The following TMEM232 variants were observed in gnomAD, a reference collection of about 807,000 sequenced individuals.
TMEM232 encodes the protein transmembrane protein 232.
In TMEM232, 80 loss-of-function variants were observed where a neutral mutation model predicts 78.8. The ratio of observed to expected loss-of-function variants is 1.01; its 90% confidence interval spans 0.85 to 1.22. TMEM232 has a LOEUF of 1.22. Among genes scored for constraint, TMEM232 ranks in the 50% most tolerant of loss-of-function variants. The pLI, the probability that TMEM232 is intolerant of heterozygous loss-of-function variation, is 0.00. For synonymous variants in TMEM232, 297 were observed against 254.3 expected, an observed-to-expected ratio of 1.17 and a Z score of -1.60; for missense variants, 881 against 742.2, an observed-to-expected ratio of 1.19 and a Z score of -2.17.
intron 10 of TMEM232, among the ~76,000 whole-genome samples, chr5:110,571,687 G>A (rs557336186): frequency 6.8e-6 from 1 of 147,322 alleles, no homozygotes; most frequent in Non-Finnish European, 1.5e-5. Context: ...TGTTTGTTTT[G>A]TTTTTTTGTT....
At chr5:110,391,186 TAA>T (rs1755166303) in intron 3 of TMEM232, among the ~76,000 whole-genome samples, 2 of 152,122 alleles carry the variant, frequency 1.3e-5, no homozygotes, top group African/African-American at 2.4e-5. Flanking sequence ...CTGAGGCTAA[TAA>T]GCATGGCATA....
At chr5:110,687,530 A>AC (rs1189735881) in intron 1 of TMEM232, among the ~76,000 whole-genome samples, 1 of 152,100 alleles carries the variant, frequency 6.6e-6, no homozygotes, top group Non-Finnish European at 1.5e-5. Context: ...CTGTAATACA[A>AC]CCTTATTGCC....
intron 12 of TMEM232, among the ~76,000 whole-genome samples, chr5:110,436,762 C>CT (rs1758480861): frequency 1.3e-5 from 2 of 151,898 alleles, no homozygotes; most frequent in African/African-American, 4.8e-5. Context: ...AATGAGTTCA[C>CT]TGTAGCTATG....
intron 12 of TMEM232, among the ~76,000 whole-genome samples, chr5:110,474,308 G>A (rs1022574757): frequency 2.0e-5 from 3 of 151,640 alleles, no homozygotes; most frequent in African/African-American, 7.3e-5. Flanking sequence ...TAAAATATTA[G>A]CAAATTATGG....
At chr5:110,626,192 T>C (rs1784403960) in intron 6 of TMEM232, among the ~76,000 whole-genome samples, 1 of 151,948 alleles carries the variant, frequency 6.6e-6, no homozygotes, top group South Asian at 2.1e-4. Context: ...AAAGATTTTT[T>C]TTTTGAGGAG....
At chr5:110,573,325 A>G (rs1777175558) in intron 10 of TMEM232, among the ~76,000 whole-genome samples, 1 of 152,054 alleles carries the variant, frequency 6.6e-6, no homozygotes. Flanking sequence ...GTCAAATATA[A>G]TATGACACTA....
At chr5:110,425,782 C>T (rs568282122) in intron 12 of TMEM232, among the ~76,000 whole-genome samples, 3 of 152,222 alleles carry the variant, frequency 2.0e-5, no homozygotes, top group Admixed American at 6.6e-5. Flanking sequence ...TTCAGAATTC[C>T]TGCATCCATC....
intron 2 of TMEM232, among the ~76,000 whole-genome samples, chr5:110,644,128 T>G (rs1021688279): frequency 6.6e-6 from 1 of 151,934 alleles, no homozygotes; most frequent in African/African-American, 2.4e-5. Flanking sequence ...TCTGTGATAA[T>G]TGGGCATTTT....
At chr5:110,735,704 C>A (rs866058247) in intron 1 of TMEM232, among the ~76,000 whole-genome samples, 42 of 152,238 alleles carry the variant, frequency 2.8e-4, no homozygotes, top group African/African-American at 9.4e-4. Context: ...AGGTCATAAA[C>A]GACATTGTGT....
At chr5:110,657,708 A>C (rs1181176422) in intron 2 of TMEM232, among the ~76,000 whole-genome samples, 1 of 152,144 alleles carries the variant, frequency 6.6e-6, no homozygotes, top group South Asian at 2.1e-4. Flanking sequence ...GTAAATAACA[A>C]TGTATTGAAT....
intron 10 of TMEM232, among the ~76,000 whole-genome samples, chr5:110,572,963 T>C (rs972742118): frequency 6.6e-6 from 1 of 152,106 alleles, no homozygotes; most frequent in East Asian, 1.9e-4. Context: ...GGCACTCTTC[T>C]GTTCTGCTTT....
At chr5:110,494,141 ACATTTTCTTT>A (rs1765407314) in intron 12 of TMEM232, among the ~76,000 whole-genome samples, 3 of 152,146 alleles carry the variant, frequency 2.0e-5, no homozygotes, top group African/African-American at 7.2e-5. Flanking sequence ...TATACGTGCT[ACATTTTCTTT>A]ATCCAGTCTG....
chr5:110,642,441 T>C (rs1015987381), intron 2 of TMEM232, 70 bp from the exon 3 acceptor site: 1 of 1,050,696 alleles, frequency 9.5e-7, no homozygotes, highest in Non-Finnish European at 1.3e-6. Context: ...ATTAATCAAC[T>C]TCCAGTGGCT....
chr5:110,467,012 AG>A (rs1465072202), intron 12 of TMEM232, among the ~76,000 whole-genome samples: 1 of 152,078 alleles, frequency 6.6e-6, no homozygotes, highest in African/African-American at 2.4e-5. Flanking sequence ...TGATAGAAAA[AG>A]GGATCATTGA....
intron 12 of TMEM232, among the ~76,000 whole-genome samples, chr5:110,484,023 G>T (rs1361968854): frequency 1.3e-5 from 2 of 152,192 alleles, no homozygotes; most frequent in Non-Finnish European, 2.9e-5. Context: ...CATGGATGCA[G>T]CTGGAGGCCA....
At chr5:110,517,212 G>C (rs1768805671) in intron 12 of TMEM232, among the ~76,000 whole-genome samples, 1 of 152,136 alleles carries the variant, frequency 6.6e-6, no homozygotes, top group Non-Finnish European at 1.5e-5. Context: ...AGACCTGTGG[G>C]GTTTCAGCAT....
intron 12 of TMEM232, among the ~76,000 whole-genome samples, chr5:110,440,212 T>C (rs1440177822): frequency 6.6e-6 from 1 of 152,106 alleles, no homozygotes; most frequent in Non-Finnish European, 1.5e-5. Context: ...AGAGATAAGG[T>C]TGGTGGAGAA....
intron 11 of TMEM232, among the ~76,000 whole-genome samples, chr5:110,566,128 C>T (rs1475989746): frequency 1.3e-5 from 2 of 151,614 alleles, no homozygotes; most frequent in Non-Finnish European, 2.9e-5. Flanking sequence ...TTATTTTACC[C>T]AAGGAAACCA....
intron 12 of TMEM232, among the ~76,000 whole-genome samples, chr5:110,523,751 G>A (rs1224566687): frequency 6.6e-6 from 1 of 151,940 alleles, no homozygotes; most frequent in Non-Finnish European, 1.5e-5. Context: ...CCAGGAGTTT[G>A]AGACTACCCT....
Sources: allele counts gnomAD v4.1 joint callset (sites outside exome capture counted in the v4.1 genomes callset), GRCh38; gene constraint gnomAD v4.1.1; transcripts MANE v1.5; gene names NCBI Gene and HGNC (gene_info 2026-07-23, HGNC 2026-07-21).